LAMA1: variants seen among roughly 807,000 people sequenced by gnomAD.
The protein encoded by LAMA1 is laminin subunit alpha 1.
A neutral mutation model predicts 348.7 loss-of-function variants in LAMA1; 219 were observed. The ratio of observed to expected loss-of-function variants is 0.63; its 90% CI spans 0.56 to 0.70. The LOEUF is 0.70. Among genes scored for constraint, LAMA1 ranks in the 30% least tolerant of loss-of-function variants. The pLI, the probability that LAMA1 is intolerant of heterozygous loss-of-function variation, is 0.00. For synonymous variants in LAMA1, 1,487 were observed against 1,491.0 expected (o/e 1.00, Z 0.06); for missense variants, 3,744 against 3,888.0 (o/e 0.96, Z 0.99).
At chr18:7,014,795 T>C (rs770422683) in intron 22 of LAMA1, among the ~76,000 whole-genome samples, 1 of 152,172 alleles carries the variant, frequency 6.6e-6, no homozygotes, top group Non-Finnish European at 1.5e-5. Context: ...GAAGATAGTA[T>C]ACATTGCACA....
At chr18:7,001,758 T>G (rs1256104117) in intron 30 of LAMA1, among the ~76,000 whole-genome samples, 2 of 152,204 alleles carry the variant, frequency 1.3e-5, no homozygotes, top group Non-Finnish European at 2.9e-5. Context: ...AAATTTCTGG[T>G]TCCCTTTTGC....
chr18:6,947,126 G>A (rs750949495), intron 61 of LAMA1, 37 bp downstream of exon 61: 3 of 1,613,032 alleles, frequency 1.9e-6, no homozygotes, highest in African/African-American at 1.3e-5. Flanking sequence ...CTCTGACACT[G>A]GGGGGAGGAA....
rs866739457 is a variant in LAMA1, at chr18:7,013,945, G to C, written c.3233C>G (p.Ser1078Cys). 1 of 1,613,926 alleles carries C rather than the reference G, an allele frequency of 6.2e-7. No individual in the cohort carries two copies. The highest frequency in any genetic ancestry group is 8.5e-7 in the Non-Finnish European group (1 of 1,179,892). ...KFGGRACDQC[S>C]LGYRDFPDCV... ...GTCGGGAAAGTCTCTGTAACCCAAG[G>C]AACACTGATCGCAGGCCCGGCCACC... is the stretch of plus-strand genomic sequence containing the variant. Residue 1078 changes from serine to cysteine, a missense_variant, in exon 23 of 63, where the codon TCC (serine) becomes TGC (cysteine). By Grantham distance (112) the Ser-to-Cys change is moderately radical. This residue lies in a region of LAMA1 where 1,529 missense variants were observed against 1,689.4 expected (regional missense o/e 0.91). Transcript: ENST00000389658.
At position 6,986,357 on chromosome 18, in the gene LAMA1, A is replaced by G; in HGVS notation, c.5169-10T>C. 1 of 1,612,768 alleles carries G rather than the reference A, an allele frequency of 6.2e-7. No homozygotes were observed. Among genetic ancestry groups the G allele is most frequent in the Non-Finnish European group, 8.5e-7 (1 of 1,178,926 alleles). The stretch of plus-strand genomic sequence containing the variant: ...TAAATCTTCAGCAGCCCTGATAAAT[A>G]TGAATGGTTCACATAGTAAGTAAAT... On this transcript the variant is annotated splice_polypyrimidine_tract_variant and intron_variant, in intron 36 of 62. Transcript: ENST00000389658.
chr18:6,981,028 G>A (rs549038180), intron 41 of LAMA1, among the ~76,000 whole-genome samples: 44 of 152,034 alleles, frequency 2.9e-4, no homozygotes, highest in Admixed American at 1.6e-3. Context: ...GCGTGAACCC[G>A]GGAGGTGGAA....
In LAMA1 at chr18:6,985,272, G is replaced by A. The variant is rs758758973; in HGVS notation, c.5625C>T (p.Ala1875=). 9.3e-6 allele frequency: 15 copies of A among 1,614,054 alleles called. 1 individual carries two copies. The highest frequency in any genetic ancestry group is 6.7e-5 in the East Asian group (3 of 44,888). ...CATCTGCTAGTCTCTGGAACTCAGC[G>A]GCATGGTCCTCAGCTCTGTAGACCA... ...VDLVYRAEDH[A]AEFQRLADVL... Residue 1875 remains alanine, a synonymous_variant, in exon 39 of 63, where the codon GCC becomes GCT. Transcript: ENST00000389658.
At position 6,945,313 on chromosome 18, in the gene LAMA1, AAGTT is replaced by A. The variant is rs562594436; in HGVS notation, c.8844+1846_8844+1849del. ...TGTAGAGAGGCAGCAATATGACATC[AAGTT>A]AGTTCTGGTTTGTCATGAATCGGAA... is the stretch of plus-strand genomic sequence containing the variant. On this transcript the variant is annotated intron_variant, in intron 61 of 62. Transcript: ENST00000389658. Among the ~76,000 whole-genome samples, 129 of 152,304 alleles carry A rather than the reference AAGTT, an allele frequency of 8.5e-4. 1 individual carries two copies. Among genetic ancestry groups the A allele is most frequent in the Non-Finnish European group, 1.1e-3 (74 of 68,028 alleles).
chr18:6,988,533 C>T (rs947177872), intron 36 of LAMA1, among the ~76,000 whole-genome samples: 2 of 152,240 alleles, frequency 1.3e-5, no homozygotes, highest in Admixed American at 1.3e-4. Context: ...GGCGCAGTGG[C>T]TCATGCCTGT....
chr18:6,995,322 A>G, intron 34 of LAMA1, 35 bp downstream of exon 34: 2 of 1,431,936 alleles, frequency 1.4e-6, no homozygotes, highest in Non-Finnish European at 2.0e-6. Flanking sequence ...GGGAGGGACC[A>G]GGAGGAAGGT....
intron 23 of LAMA1, among the ~76,000 whole-genome samples, chr18:7,012,544 C>T (rs1309968313): frequency 6.7e-6 from 1 of 149,754 alleles, no homozygotes; most frequent in African/African-American, 2.4e-5. Flanking sequence ...CTCGCTCTGT[C>T]ACCCAGGCTG....
chr18:7,016,763 T>C, intron 20 of LAMA1, 92 bp from the exon 21 acceptor site: 1 of 1,155,692 alleles, frequency 8.7e-7, no homozygotes, highest in Non-Finnish European at 1.2e-6. Context: ...ACACAGGGTA[T>C]TTCATAGAAT....
intron 55 of LAMA1, 37 bp downstream of exon 55, chr18:6,958,440 G>T: frequency 6.2e-7 from 1 of 1,607,610 alleles, no homozygotes; most frequent in South Asian, 1.1e-5. Context: ...TGAAAGGTCA[G>T]AAAGTGCAAG....
chr18:7,051,081 T>A, intron 3 of LAMA1, 145 bp from the exon 4 acceptor site: 3 of 1,054,470 alleles, frequency 2.8e-6, no homozygotes, highest in Non-Finnish European at 4.2e-6. Flanking sequence ...TGCCATGAGG[T>A]GCGAGGAGAG....
intron 3 of LAMA1, among the ~76,000 whole-genome samples, chr18:7,057,572 T>A (rs1380164373): frequency 6.8e-6 from 1 of 146,716 alleles, no homozygotes; most frequent in East Asian, 2.2e-4. Context: ...CCTCCTGGGC[T>A]CAAGAGATTC....
intron 3 of LAMA1, among the ~76,000 whole-genome samples, chr18:7,075,001 A>C (rs939128921): frequency 1.8e-4 from 21 of 118,330 alleles, no homozygotes; most frequent in African/African-American, 7.7e-4. Context: ...AAAAAAAAAA[A>C]AAATGCTGTA....
In LAMA1 at chr18:7,013,820, A is replaced by G; in HGVS notation, c.3358T>C (p.Cys1120Arg). The G allele has an allele frequency of 6.2e-7, 1 of 1,611,292 alleles. No homozygotes were observed. The highest frequency in any genetic ancestry group is 1.1e-5 in the South Asian group (1 of 90,414). ...GCVEETGACPCKENVFGPQCN... is the reference protein window; with the variant it reads ...GCVEETGACPRKENVFGPQCN... ...GGAGGATGGATGGTAAATACCTTGC[A>G]AGGGCAGGCCCCGGTTTCCTCCACA... Residue 1120 changes from cysteine (C) to arginine (R), a missense_variant, in exon 23 of 63, where the codon TGC (cysteine) becomes CGC (arginine). By Grantham distance (180) the Cys-to-Arg change is radical. Transcript: ENST00000389658.
At chr18:7,077,038 A>G (rs1173502868) in intron 3 of LAMA1, 1 of 152,186 alleles carries the variant, frequency 6.6e-6, no homozygotes, top group East Asian at 1.9e-4. Flanking sequence ...TTTGTTTAAA[A>G]AAAAACAAAG....
intron 34 of LAMA1, among the ~76,000 whole-genome samples, chr18:6,994,187 C>T (rs5822936): frequency 7.1e-5 from 1 of 14,136 alleles, no homozygotes; most frequent in Non-Finnish European, 1.3e-4. Flanking sequence ...ACCTGATTCT[C>T]CAGGCTGTGG....
At chr18:7,052,390 C>A (rs1568047581) in intron 3 of LAMA1, among the ~76,000 whole-genome samples, 1 of 151,472 alleles carries the variant, frequency 6.6e-6, no homozygotes, top group African/African-American at 2.4e-5. Flanking sequence ...GAGATTGCAC[C>A]ACTGCACTCC....
Sources: allele counts gnomAD v4.1 joint callset (sites outside exome capture counted in the v4.1 genomes callset), GRCh38; gene constraint gnomAD v4.1.1; regional missense constraint gnomAD v4.1.1; transcripts MANE v1.5; gene names NCBI Gene and HGNC (gene_info 2026-07-23, HGNC 2026-07-21).